Variants in SLC46A3 observed in about 807,000 individuals in gnomAD.
SLC46A3 encodes solute carrier family 46 member 3, also known as lysosomal proton-coupled steroid conjugate and bile acid symporter SLC46A3.
A neutral mutation model predicts 38.5 loss-of-function variants in SLC46A3; 26 were observed. The observed-to-expected ratio is 0.68, with a 90% CI of 0.49 to 0.94. The LOEUF is 0.94. Among genes scored for constraint, SLC46A3 ranks in the 40% least tolerant of loss-of-function variants. The pLI, the probability that SLC46A3 is intolerant of heterozygous loss-of-function variation, is 0.00. For missense variants in SLC46A3, 510 were observed against 544.3 expected, an observed-to-expected ratio of 0.94 and a Z score of 0.63; for synonymous variants, 185 against 192.5, an observed-to-expected ratio of 0.96 and a Z score of 0.32.
intron 4 of SLC46A3, among the ~76,000 whole-genome samples, chr13:28,709,093 G>A (rs1044723804): frequency 2.0e-5 from 3 of 151,896 alleles, no homozygotes; most frequent in African/African-American, 4.8e-5. Context: ...AGGCTGAGGC[G>A]GGCTGATTAC....
At position 28,710,759 on chromosome 13, in the gene SLC46A3, C is replaced by A. The variant is rs751048085; in HGVS notation, c.1144+1G>T. ...ATATTTCTTAAGCAAATTAAACTCA[C>A]CTTGTTCAGTCGAACGAACCACTTT... On this transcript the variant is annotated splice_donor_variant, in intron 4 of 5. Coordinates refer to ENST00000266943, the MANE Select transcript of SLC46A3 (RefSeq NM_181785.4). LOFTEE classifies it high-confidence loss of function. 50 of 1,609,718 alleles carry A rather than the reference C, an allele frequency of 3.1e-5. No individual in the cohort carries two copies. Among genetic ancestry groups the A allele is most frequent in the Middle Eastern group, 1.7e-4 (1 of 6,052 alleles).
At chr13:28,707,617 C>T (rs1375966201) in intron 4 of SLC46A3, among the ~76,000 whole-genome samples, 2 of 152,044 alleles carry the variant, frequency 1.3e-5, no homozygotes, top group Non-Finnish European at 2.9e-5. Flanking sequence ...ATAAACTATA[C>T]CTCTTGACAG....
intron 4 of SLC46A3, among the ~76,000 whole-genome samples, chr13:28,704,769 T>C (rs1885130152): frequency 6.6e-6 from 1 of 152,216 alleles, no homozygotes; most frequent in African/African-American, 2.4e-5. Context: ...AGTTTAATGT[T>C]AAGTGATTCT....
intron 2 of SLC46A3, among the ~76,000 whole-genome samples, chr13:28,715,921 C>T (rs1466492885): frequency 6.8e-6 from 1 of 146,908 alleles, no homozygotes; most frequent in African/African-American, 2.5e-5. Context: ...ACAGGAGGCT[C>T]ACTTGAGGCC....
In SLC46A3 at chr13:28,713,149, C is replaced by T. The variant is rs1885415022; in HGVS notation, c.591G>A (p.Glu197=). Residue 197 remains glutamate, a synonymous_variant, in exon 3 of 6, where the codon GAG becomes GAA. Transcript: ENST00000266943. The part of the protein sequence containing the change: ...SGYFIRELGF[E]WSFLIIAVSL... ...ACACAGCAATAATTAGAAACGACCA[C>T]TCAAAACCTAGCTCTCTAATAAAAT... The T allele has an allele frequency of 6.2e-7, 1 of 1,613,894 alleles. No individual in the cohort carries two copies. The highest frequency in any genetic ancestry group is 2.2e-5 in the East Asian group (1 of 44,882).
intron 2 of SLC46A3, among the ~76,000 whole-genome samples, chr13:28,717,083 T>C (rs1325856209): frequency 6.6e-6 from 1 of 151,978 alleles, no homozygotes; most frequent in Non-Finnish European, 1.5e-5. Context: ...ACCAGGAGAA[T>C]GGTGAAGTGC....
At position 28,713,243 on chromosome 13, in the gene SLC46A3, G is replaced by A. The variant is rs1885421878; in HGVS notation, c.497C>T (p.Thr166Ile). The change falls in exon 3 of 6, where the codon ACA becomes ATA. Residue 166 changes from threonine to isoleucine, a missense_variant. Coordinates refer to ENST00000266943, the MANE Select transcript of SLC46A3 (RefSeq NM_181785.4). ...AAAGTCAATGATAGCTATTCGAATT[G>A]TTTTTTGTTTGTGTTCTTTACACTG... ...VDQCKEHKQK[T>I]IRIAIIDFLL... 6.2e-7 allele frequency: 1 copy of A among 1,613,858 alleles called. No individual in the cohort carries two copies. Among genetic ancestry groups the A allele is most frequent in the African/African-American group, 1.3e-5 (1 of 74,928 alleles).
Position 28,701,171 on chromosome 13 carries a change from AT to A in SLC46A3, c.*325del. The A allele has an allele frequency of 2.8e-6, 4 of 1,409,614 alleles. No homozygotes were observed. The highest frequency in any genetic ancestry group is 3.7e-6 in the Non-Finnish European group (4 of 1,081,790). The allele number at this position is 1,409,614 out of a possible 1,614,324, so 87.3% of individuals were successfully genotyped here. A position where few individuals can be genotyped will look rare whatever the true frequency, so the allele number is the denominator to read the frequency against. ...GAGCCTGGAATATGTCAGAGAGATTATTGCTTTTGACCTTATCAAGTTTCTT... is the reference window on the plus strand; with the variant it reads ...GAGCCTGGAATATGTCAGAGAGATTATGCTTTTGACCTTATCAAGTTTCTT... On this transcript the variant is annotated 3_prime_UTR_variant, in exon 6 of 6. Transcript: ENST00000266943.
Position 28,718,783 on chromosome 13 carries a change from G to A in SLC46A3, c.-312C>T, listed in dbSNP as rs1885613199. On this transcript the variant is annotated 5_prime_UTR_variant, in exon 1 of 6. Transcript: ENST00000266943. ...CCGCGTCCCGAGTGACACCTGCAGGGTTCTCCGGCAGCCCTCGGCTTCCCC... is the reference window on the plus strand; with the variant it reads ...CCGCGTCCCGAGTGACACCTGCAGGATTCTCCGGCAGCCCTCGGCTTCCCC... 6.6e-6 allele frequency: 1 copy of A among 152,372 alleles called. No individual in the cohort carries two copies. Among genetic ancestry groups the A allele is most frequent in the Admixed American group, 6.5e-5 (1 of 15,296 alleles). 9.4% of individuals were successfully genotyped at this position (152,372 alleles called of 1,614,324 possible). A position where few individuals can be genotyped will look rare whatever the true frequency, so the allele number is the denominator to read the frequency against.
chr13:28,700,658 C>A lies in SLC46A3; in HGVS notation c.*839G>T. On this transcript the variant is annotated 3_prime_UTR_variant, in exon 6 of 6. Coordinates refer to ENST00000266943, the MANE Select transcript of SLC46A3 (RefSeq NM_181785.4). ...AATATCCTTTTGCTGACACAAGGAA[C>A]AAATGTTGGCTCCAAACATTAGTTA... 1 of 293,514 alleles carries A rather than the reference C, an allele frequency of 3.4e-6. No individual in the cohort carries two copies. 18.2% of individuals were successfully genotyped at this position (293,514 alleles called of 1,614,324 possible).
At chr13:28,708,614 C>CTTTTTTTTTTTTTTTTTTTTTT (rs71190788) in intron 4 of SLC46A3, among the ~76,000 whole-genome samples, 12 of 128,270 alleles carry the variant, frequency 9.4e-5, no homozygotes, top group Admixed American at 1.6e-4. Flanking sequence ...TTTTTCTTTT[C>CTTTTTTTTTTTTTTTTTTTTTT]TTTTTTTTTT....
chr13:28,706,161 G>A (rs145790556), intron 4 of SLC46A3, among the ~76,000 whole-genome samples: 3 of 152,226 alleles, frequency 2.0e-5, no homozygotes, highest in Non-Finnish European at 4.4e-5. Context: ...TATGGGTGAT[G>A]CCCAGGTAAA....
At position 28,713,134 on chromosome 13, in the gene SLC46A3, A is replaced by G. The variant is rs1296027377; in HGVS notation, c.606T>C (p.Ile202=). The change falls in exon 3 of 6, where the codon ATT becomes ATC. Residue 202 remains isoleucine, a synonymous_variant. Coordinates refer to ENST00000266943, the MANE Select transcript of SLC46A3 (RefSeq NM_181785.4). ...AATTAACAGCAAGAGACACAGCAAT[A>G]ATTAGAAACGACCACTCAAAACCTA... ...RELGFEWSFL[I]IAVSLAVNLI... 4.1e-5 allele frequency: 66 copies of G among 1,613,880 alleles called. No homozygotes were observed. The highest frequency in any genetic ancestry group is 5.3e-5 in the Non-Finnish European group (63 of 1,179,980).
In SLC46A3 at chr13:28,701,207, T is replaced by G; in HGVS notation, c.*290A>C. The G allele has an allele frequency of 2.1e-6, 3 of 1,398,682 alleles. No individual in the cohort carries two copies. The highest frequency in any genetic ancestry group is 2.8e-6 in the Non-Finnish European group (3 of 1,078,684). 86.6% of individuals were successfully genotyped at this position (1,398,682 alleles called of 1,614,324 possible). On this transcript the variant is annotated 3_prime_UTR_variant, in exon 6 of 6. Coordinates refer to ENST00000266943, the MANE Select transcript of SLC46A3 (RefSeq NM_181785.4). ...CCTTATCAAGTTTCTTGATCCCTCC[T>G]TACACCCTTAAGTTTTAATGTTTCT...
rs748831793 is a variant in SLC46A3 at position 28,717,840 on chromosome 13, G to GT, written c.158dup (p.Asn53LysfsTer21). On this transcript the variant is annotated frameshift_variant, in exon 2 of 6. Transcript: ENST00000266943. LOFTEE classifies it high-confidence loss of function. ...GGAATGCAAAAATTGGGCTGCTTTT[G>GT]TTTTTTTCACACTCAGAAATATTGC... is the stretch of plus-strand genomic sequence containing the variant. The GT allele has an allele frequency of 1.5e-5, 24 of 1,612,726 alleles. No homozygotes were observed. The highest frequency in any genetic ancestry group is 1.4e-5 in the Non-Finnish European group (17 of 1,179,754).
At chr13:28,711,125 G>A (rs761225601) in intron 3 of SLC46A3, among the ~76,000 whole-genome samples, 2 of 152,082 alleles carry the variant, frequency 1.3e-5, no homozygotes, top group Non-Finnish European at 2.9e-5. Flanking sequence ...ATAATCTGCC[G>A]ATTAAGACTG....
intron 4 of SLC46A3, among the ~76,000 whole-genome samples, chr13:28,708,595 C>T (rs905796185): frequency 2.0e-5 from 3 of 147,982 alleles, no homozygotes; most frequent in African/African-American, 7.4e-5. Context: ...TGTCATTTCA[C>T]TTTCTTTCTT....
At position 28,701,441 on chromosome 13, in the gene SLC46A3, A is replaced by C; in HGVS notation, c.*56T>G. ...GTGGAATTCATTTATAGTCTTCAGA[A>C]GTCATGGTATATGATATGTGCATTC... On this transcript the variant is annotated 3_prime_UTR_variant, in exon 6 of 6. Coordinates refer to ENST00000266943, the MANE Select transcript of SLC46A3 (RefSeq NM_181785.4). 3 of 1,590,336 alleles carry C rather than the reference A, an allele frequency of 1.9e-6. No individual in the cohort carries two copies. Among genetic ancestry groups the C allele is most frequent in the Middle Eastern group, 1.7e-4 (1 of 5,810 alleles).
chr13:28,705,781 G>A (rs1885157304), intron 4 of SLC46A3, among the ~76,000 whole-genome samples: 1 of 152,212 alleles, frequency 6.6e-6, no homozygotes, highest in Non-Finnish European at 1.5e-5. Flanking sequence ...TTGGAAGGAT[G>A]TTCTTCTACT....
Sources: allele counts gnomAD v4.1 joint callset (sites outside exome capture counted in the v4.1 genomes callset), GRCh38; gene constraint gnomAD v4.1.1; transcripts MANE v1.5; gene names NCBI Gene and HGNC (gene_info 2026-07-23, HGNC 2026-07-21).